SDK1: variants seen among roughly 807,000 people sequenced by gnomAD.
SDK1 encodes sidekick cell adhesion molecule 1, also known as protein sidekick-1.
Under a neutral mutation model 245.5 loss-of-function variants are expected in SDK1, and 157 were observed. That is an observed-to-expected ratio of 0.64 (90% CI 0.56 to 0.73). SDK1 has a LOEUF of 0.73. SDK1 is among the 30% of genes least tolerant of loss of function. The pLI, the probability that SDK1 is intolerant of heterozygous loss-of-function variation, is 0.00. For synonymous variants in SDK1, 1,647 were observed against 1,278.5 expected, an observed-to-expected ratio of 1.29 and a Z score of -6.15; for missense variants, 3,583 against 3,002.3, an observed-to-expected ratio of 1.19 and a Z score of -4.52.
intron 1 of SDK1, among the ~76,000 whole-genome samples, chr7:3,421,822 C>G (rs78032310): frequency 6.6e-6 from 1 of 152,128 alleles, no homozygotes; most frequent in Non-Finnish European, 1.5e-5. Context: ...CCTTAAATAA[C>G]AGAGCTGCTG....
At chr7:4,057,912 T>G (rs546785181) in intron 19 of SDK1, among the ~76,000 whole-genome samples, 1 of 152,196 alleles carries the variant, frequency 6.6e-6, no homozygotes, top group Non-Finnish European at 1.5e-5. Context: ...AAAGCCCTCC[T>G]TTATGAAAGC....
At chr7:4,215,863 C>T (rs1039286279) in intron 38 of SDK1, among the ~76,000 whole-genome samples, 1 of 152,202 alleles carries the variant, frequency 6.6e-6, no homozygotes, top group Non-Finnish European at 1.5e-5. Flanking sequence ...CTCCACTCCT[C>T]ACCGTGGTCC....
intron 4 of SDK1, among the ~76,000 whole-genome samples, chr7:3,777,701 C>CCACA (rs1225215713): frequency 2.0e-5 from 3 of 152,166 alleles, no homozygotes; most frequent in African/African-American, 7.2e-5. Context: ...ACTTCCCATG[C>CCACA]CACACCACAC....
intron 28 of SDK1, among the ~76,000 whole-genome samples, chr7:4,145,479 C>A (rs1189737921): frequency 1.3e-5 from 2 of 152,128 alleles, no homozygotes; most frequent in Non-Finnish European, 2.9e-5. Flanking sequence ...GAAAGATGAA[C>A]CCGTGTTCAC....
At chr7:3,758,373 C>T (rs552815306) in intron 4 of SDK1, among the ~76,000 whole-genome samples, 1 of 152,240 alleles carries the variant, frequency 6.6e-6, no homozygotes, top group African/African-American at 2.4e-5. Flanking sequence ...TCCCATCTCC[C>T]ATTTATATAT....
intron 1 of SDK1, among the ~76,000 whole-genome samples, chr7:3,608,046 A>G (rs966374779): frequency 1.3e-5 from 2 of 152,224 alleles, no homozygotes; most frequent in African/African-American, 4.8e-5. Flanking sequence ...CAGTCGTGAG[A>G]AAACTTCTGG....
chr7:3,837,637 G>A (rs1250014960), intron 5 of SDK1, among the ~76,000 whole-genome samples: 2 of 152,088 alleles, frequency 1.3e-5, no homozygotes, highest in Admixed American at 1.3e-4. Context: ...TACATTAGCT[G>A]GCTCTGGAAG....
intron 5 of SDK1, among the ~76,000 whole-genome samples, chr7:3,881,843 T>C (rs112505602): frequency 6.6e-6 from 1 of 152,218 alleles, no homozygotes; most frequent in South Asian, 2.1e-4. Context: ...AAGTGGTTCA[T>C]GGTACAGCTT....
At chr7:4,233,531 G>T in intron 41 of SDK1, 112 bp downstream of exon 41, 1 of 1,026,728 alleles carries the variant, frequency 9.7e-7, no homozygotes, top group Non-Finnish European at 1.4e-6. Context: ...GGAGAAATGG[G>T]GTCGAGGGGG....
chr7:3,816,343 C>A lies in SDK1; in HGVS notation c.714-5107C>A, dbSNP rs1265341970. The stretch of plus-strand genomic sequence containing the variant: ...GAAAGGATCAACAAAATTGATAGAC[C>A]GCTAGCAAGACTAATAAAGAAAAAA... On this transcript the variant is annotated intron_variant, in intron 4 of 44. Coordinates refer to ENST00000404826, the MANE Select transcript of SDK1 (RefSeq NM_152744.4). Among the ~76,000 whole-genome samples, 7 of 149,044 alleles carry A rather than the reference C, an allele frequency of 4.7e-5. No individual in the cohort carries two copies. In the South Asian group the frequency reaches 6.4e-4, roughly 14 times the overall value.
At chr7:3,589,622 G>A (rs746147419) in intron 1 of SDK1, among the ~76,000 whole-genome samples, 1 of 152,192 alleles carries the variant, frequency 6.6e-6, no homozygotes. Flanking sequence ...CAAAGGAGGA[G>A]TACAGACACG....
intron 12 of SDK1, among the ~76,000 whole-genome samples, chr7:3,972,400 C>T (rs754595870): frequency 4.6e-5 from 7 of 152,040 alleles, no homozygotes; most frequent in South Asian, 2.1e-4. Context: ...AAAGGAATGC[C>T]GACATCCTGT....
Position 3,322,205 on chromosome 7 carries a change from A to G in SDK1, c.298+20321A>G, listed in dbSNP as rs117191454. Among the ~76,000 whole-genome samples the G allele has an allele frequency of 3.9e-5, 6 of 152,146 alleles. 1 individual carries two copies. The East Asian group carries it at 7.7e-4, about 20-fold the overall frequency. ...GACCATCCACCCGTGTTCTGCTTCT[A>G]TGGATTTATCTATTCTGAATATTTT... On this transcript the variant is annotated intron_variant, in intron 1 of 44. Coordinates refer to ENST00000404826, the MANE Select transcript of SDK1 (RefSeq NM_152744.4).
At chr7:4,184,856 A>G (rs1304537677) in intron 35 of SDK1, among the ~76,000 whole-genome samples, 1 of 152,210 alleles carries the variant, frequency 6.6e-6, no homozygotes, top group African/African-American at 2.4e-5. Context: ...CCAGCGCCCC[A>G]GCAAGCTGCT....
chr7:3,625,945 T>TC lies in SDK1; in HGVS notation c.458+6706_458+6707insC, dbSNP rs1219796479. On this transcript the variant is annotated intron_variant, in intron 2 of 44. Coordinates refer to ENST00000404826, the MANE Select transcript of SDK1 (RefSeq NM_152744.4). ...TTTTTCTTTCTTTCTTTTCTTTCTT[T>TC]TTTTTTTTTTTTTTGAGGGAGAGGG... Among the ~76,000 whole-genome samples the TC allele has an allele frequency of 3.1e-4, 46 of 147,710 alleles. No individual in the cohort carries two copies. The South Asian group carries it at 5.0e-3, about 16-fold the overall frequency.
Position 3,951,995 on chromosome 7 carries a change from A to G in SDK1, c.1150+75A>G, listed in dbSNP as rs1780871091. ...GACACTGACTCTTCTGCAGAAACAA[A>G]ATAGCGTATTTCAGTGGCTTTATTT... On this transcript the variant is annotated intron_variant, in intron 7 of 44. Coordinates refer to ENST00000404826, the MANE Select transcript of SDK1 (RefSeq NM_152744.4). The G allele has an allele frequency of 1.9e-5, 26 of 1,372,962 alleles. No individual in the cohort carries two copies. In the South Asian group the frequency reaches 3.3e-4, roughly 17 times the overall value. The allele number at this position is 1,372,962 out of a possible 1,614,324, so 85.0% of individuals were successfully genotyped here.
intron 4 of SDK1, among the ~76,000 whole-genome samples, chr7:3,818,486 G>C (rs1299225110): frequency 3.3e-5 from 5 of 152,136 alleles, no homozygotes; most frequent in Non-Finnish European, 5.9e-5. Flanking sequence ...GTACCACTCA[G>C]ACTAACCACT....
intron 4 of SDK1, among the ~76,000 whole-genome samples, chr7:3,780,729 C>T (rs529130930): frequency 4.6e-5 from 7 of 152,198 alleles, no homozygotes; most frequent in Non-Finnish European, 8.8e-5. Flanking sequence ...CACCCAACCA[C>T]CCTGTGCAGG....
At chr7:3,357,346 T>G (rs1780830254) in intron 1 of SDK1, among the ~76,000 whole-genome samples, 2 of 105,280 alleles carry the variant, frequency 1.9e-5, no homozygotes, top group Non-Finnish European at 3.9e-5. Context: ...TTTTTTTTTT[T>G]TTTTTTTTTT....
Sources: allele counts gnomAD v4.1 joint callset (sites outside exome capture counted in the v4.1 genomes callset), GRCh38; gene constraint gnomAD v4.1.1; transcripts MANE v1.5; gene names NCBI Gene and HGNC (gene_info 2026-07-23, HGNC 2026-07-21).